The following RBM33 variants were observed in gnomAD, a reference collection of about 807,000 sequenced individuals.
RBM33 encodes the protein RNA binding motif protein 33.
In RBM33, 28 loss-of-function variants were observed where a neutral mutation model predicts 132.6. The observed-to-expected ratio is 0.21, with a 90% CI of 0.16 to 0.29. RBM33 has a LOEUF of 0.29. Among genes scored for constraint, RBM33 ranks in the 10% least tolerant of loss-of-function variants. The probability of loss-of-function intolerance (pLI) is 1.00; values close to 1 mark genes in which losing one functional copy is unlikely to be tolerated. For missense variants in RBM33, 1,291 were observed against 1,518.5 expected, an observed-to-expected ratio of 0.85 and a Z score of 2.49; for synonymous variants, 634 against 593.0, an observed-to-expected ratio of 1.07 and a Z score of -1.01.
chr7:155,737,460 T>A, intron 9 of RBM33, 70 bp from the exon 10 acceptor site: 1 of 1,483,662 alleles, frequency 6.7e-7, no homozygotes, highest in African/African-American at 1.4e-5. Flanking sequence ...ACCAGGTCTA[T>A]ATTTCTAAAA....
rs1802744015 is a variant in RBM33, at chr7:155,779,601, C to T, written c.*4560C>T. 6.6e-6 allele frequency: 1 copy of T among 152,168 alleles called. No individual in the cohort carries two copies. The highest frequency in any genetic ancestry group is 2.1e-4 in the South Asian group (1 of 4,832). 9.4% of individuals were successfully genotyped at this position (152,168 alleles called of 1,614,324 possible). On this transcript the variant is annotated 3_prime_UTR_variant, in exon 18 of 18. Coordinates refer to ENST00000401878, the MANE Select transcript of RBM33 (RefSeq NM_053043.3). ...TTAATTTTTTTTAAATGCCTAACTT[C>T]TGAGGTGCATAAGCCCGTGGTTTGT...
intron 8 of RBM33, among the ~76,000 whole-genome samples, chr7:155,716,316 G>GTTTTGTTTTTTTTTTTTTTT (rs1554477958): frequency 9.8e-6 from 1 of 102,384 alleles, no homozygotes; most frequent in Non-Finnish European, 1.9e-5. Context: ...CTTTTCTGCT[G>GTTTTGTTTTTTTTTTTTTTT]TTTTTTTTTT....
chr7:155,718,071 GAAAC>G (rs1277721182), intron 8 of RBM33, among the ~76,000 whole-genome samples: 3 of 152,110 alleles, frequency 2.0e-5, no homozygotes, highest in Non-Finnish European at 4.4e-5. Context: ...AGGGATAGGA[GAAAC>G]AAACTAGGTT....
chr7:155,747,741 A>G (rs973356843), intron 14 of RBM33, among the ~76,000 whole-genome samples: 14 of 152,192 alleles, frequency 9.2e-5, no homozygotes, highest in Non-Finnish European at 2.1e-4. Context: ...ACATGTTCGT[A>G]TCTTAGGGTT....
chr7:155,745,722 C>T lies in RBM33; in HGVS notation c.2979+120C>T. 1.1e-6 allele frequency: 1 copy of T among 946,434 alleles called. No individual in the cohort carries two copies. The highest frequency in any genetic ancestry group is 1.6e-6 in the Non-Finnish European group (1 of 644,252). 58.6% of individuals were successfully genotyped at this position (946,434 alleles called of 1,614,324 possible). On this transcript the variant is annotated intron_variant, in intron 14 of 17. Coordinates refer to ENST00000401878, the MANE Select transcript of RBM33 (RefSeq NM_053043.3). The surrounding 1 kb of genome is among the most constrained non-coding windows in gnomAD (Gnocchi z 4.1). ...GTTACCTCTGTTATAGTCTTGTAAC[C>T]AATCTCTACCTACTTGAAGTTGGTA... is the stretch of plus-strand genomic sequence containing the variant.
chr7:155,765,007 C>T (rs931051411), intron 15 of RBM33, among the ~76,000 whole-genome samples: 4 of 152,196 alleles, frequency 2.6e-5, no homozygotes, highest in African/African-American at 9.7e-5. Flanking sequence ...CTTTAAAGAT[C>T]GCTGTGGTCT....
intron 2 of RBM33, among the ~76,000 whole-genome samples, chr7:155,665,963 A>G (rs1164612203): frequency 2.0e-5 from 3 of 152,238 alleles, no homozygotes; most frequent in Non-Finnish European, 2.9e-5. Context: ...GCTGCAGTCA[A>G]TTTGAAAACG....
chr7:155,655,639 G>T (rs922438509), intron 1 of RBM33, among the ~76,000 whole-genome samples: 1 of 146,836 alleles, frequency 6.8e-6, no homozygotes, highest in Non-Finnish European at 1.5e-5. Flanking sequence ...TTAAGGCAGT[G>T]ACAATTATTT....
chr7:155,767,269 G>T (rs1278174438), intron 16 of RBM33, among the ~76,000 whole-genome samples: 2 of 152,258 alleles, frequency 1.3e-5, no homozygotes, highest in South Asian at 2.1e-4. Flanking sequence ...ACCCAGCGAA[G>T]AAGCTACCTG....
chr7:155,778,127 C>CA lies in RBM33; in HGVS notation c.*3087dup, dbSNP rs1333475720. 1 of 152,638 alleles carries CA rather than the reference C, an allele frequency of 6.6e-6. No individual in the cohort carries two copies. Among genetic ancestry groups the CA allele is most frequent in the Non-Finnish European group, 1.5e-5 (1 of 68,052 alleles). 9.5% of individuals were successfully genotyped at this position (152,638 alleles called of 1,614,324 possible). ...TTGAGGGGTTTCTCTGTTTTGTGGA[C>CA]AGGCAGCAGCCTCCGTAGGCACCCG... On this transcript the variant is annotated 3_prime_UTR_variant, in exon 18 of 18. Coordinates refer to ENST00000401878, the MANE Select transcript of RBM33 (RefSeq NM_053043.3). The surrounding 1 kb of genome is among the most constrained non-coding windows in gnomAD (Gnocchi z 4.0).
chr7:155,762,186 T>C (rs1472585618), intron 14 of RBM33, among the ~76,000 whole-genome samples: 1 of 152,178 alleles, frequency 6.6e-6, no homozygotes, highest in Non-Finnish European at 1.5e-5. Context: ...TCTAGCACTT[T>C]CCGTTCTGGA....
intron 14 of RBM33, among the ~76,000 whole-genome samples, chr7:155,761,536 T>C (rs548091834): frequency 6.6e-6 from 1 of 152,378 alleles, no homozygotes; most frequent in Non-Finnish European, 1.5e-5. Context: ...TTGTGTCTCG[T>C]TGAATTTGCT....
chr7:155,680,536 T>G, intron 4 of RBM33, 54 bp from the exon 5 acceptor site: 1 of 1,251,322 alleles, frequency 8.0e-7, no homozygotes, highest in Non-Finnish European at 1.1e-6. Context: ...AATGATTTAG[T>G]TTGAGCTCCT....
At chr7:155,661,126 G>A (rs1197955297) in intron 1 of RBM33, among the ~76,000 whole-genome samples, 3,525 of 58,608 alleles carry the variant, frequency 0.06, 147 homozygotes, top group African/African-American at 0.17. Context: ...GTGTGTGTGT[G>A]TGTGTATATA....
At chr7:155,682,835 A>G (rs1042016304) in intron 5 of RBM33, among the ~76,000 whole-genome samples, 2 of 152,200 alleles carry the variant, frequency 1.3e-5, no homozygotes, top group Admixed American at 6.5e-5. Context: ...CTGGTATTCC[A>G]TTGTCAAACT....
intron 5 of RBM33, among the ~76,000 whole-genome samples, chr7:155,694,619 TATTTCTATACCTAG>T (rs1258960549): frequency 6.6e-6 from 1 of 152,204 alleles, no homozygotes; most frequent in Non-Finnish European, 1.5e-5. Context: ...AAAGCGTTCT[TATTTCTATACCTAG>T]ATTGGCATTT....
chr7:155,738,556 T>C (rs1036855281), intron 11 of RBM33, 153 bp downstream of exon 11: 2 of 758,366 alleles, frequency 2.6e-6, no homozygotes, highest in African/African-American at 3.6e-5. Context: ...TAAAGACAAC[T>C]TTTTTCAACA....
In RBM33 at chr7:155,739,846, C is replaced by G. The variant is rs772679122; in HGVS notation, c.1869C>G (p.Pro623=). 34 of 1,494,438 alleles carry G rather than the reference C, an allele frequency of 2.3e-5. No individual in the cohort carries two copies. The highest frequency in any genetic ancestry group is 2.9e-5 in the Non-Finnish European group (32 of 1,105,438). The allele number at this position is 1,494,438 out of a possible 1,614,324, so 92.6% of individuals were successfully genotyped here. The part of the protein sequence containing the change: ...HQPPPQHQPP[P]QHPPQHPPQH... ...CCCCGCCCCAGCACCAGCCCCCACC[C>G]CAGCACCCACCACAGCACCCGCCGC... The change falls in exon 12 of 18, where the codon CCC becomes CCG. Residue 623 remains proline, a synonymous_variant. Coordinates refer to ENST00000401878, the MANE Select transcript of RBM33 (RefSeq NM_053043.3).
intron 8 of RBM33, among the ~76,000 whole-genome samples, chr7:155,711,908 C>T (rs976317360): frequency 4.6e-5 from 7 of 152,180 alleles, no homozygotes; most frequent in South Asian, 2.1e-4. Flanking sequence ...GCACTGAAGC[C>T]GTCTCTGCGG....
Sources: gnomAD v4.1 joint callset for allele counts (sites outside exome capture counted in the v4.1 genomes callset) on GRCh38, gnomAD v4.1.1 for gene constraint, Gnocchi (gnomAD v3.1) non-coding constraint, MANE v1.5 for transcripts, NCBI Gene and HGNC (gene_info 2026-07-23, HGNC 2026-07-21) for gene names.